Variants in SLC9A7 observed in about 807,000 individuals in gnomAD.
The protein encoded by SLC9A7 is solute carrier family 9 member A7.
Under a neutral mutation model 52.6 loss-of-function variants are expected in SLC9A7, and 19 were observed. The ratio of observed to expected loss-of-function variants is 0.36; its 90% CI spans 0.25 to 0.53. SLC9A7 has a LOEUF of 0.53. Among genes scored for constraint, SLC9A7 ranks in the 20% least tolerant of loss-of-function variants. The pLI, the probability that SLC9A7 is intolerant of heterozygous loss-of-function variation, is 0.91. For synonymous variants in SLC9A7, 226 were observed against 252.1 expected (o/e 0.90, Z 0.98); for missense variants, 455 against 597.9 (o/e 0.76, Z 2.49).
At chrX:46,714,268 A>G (rs1944735671) in intron 1 of SLC9A7, among the ~76,000 whole-genome samples, 1 of 111,749 alleles carries the variant, frequency 8.9e-6, no homozygotes, top group Admixed American at 9.5e-5. Flanking sequence ...TAGCTGGTAA[A>G]CTGTAGAAGT....
intron 1 of SLC9A7, among the ~76,000 whole-genome samples, chrX:46,718,372 A>G (rs1345445724): frequency 1.8e-5 from 2 of 112,224 alleles, no homozygotes; most frequent in East Asian, 5.6e-4. Flanking sequence ...AATACCATTC[A>G]GGACACAGGC....
intron 1 of SLC9A7, among the ~76,000 whole-genome samples, chrX:46,684,150 T>A (rs1944256012): frequency 8.9e-6 from 1 of 112,274 alleles, no homozygotes. Context: ...TCTGACCAGA[T>A]ACGAAACAAT....
At chrX:46,677,924 A>G (rs1944144943) in intron 3 of SLC9A7, among the ~76,000 whole-genome samples, 1 of 111,779 alleles carries the variant, frequency 8.9e-6, no homozygotes, top group South Asian at 3.7e-4. Context: ...AGTTTTGATA[A>G]TTTATGTCTT....
At chrX:46,676,397 G>C (rs950524797) in intron 3 of SLC9A7, among the ~76,000 whole-genome samples, 1 of 111,988 alleles carries the variant, frequency 8.9e-6, no homozygotes, top group African/African-American at 3.2e-5. Context: ...TTACTGTAGT[G>C]TGAGAGCAGA....
chrX:46,607,825 G>C (rs1015781849), intron 16 of SLC9A7, among the ~76,000 whole-genome samples: 1 of 111,394 alleles, frequency 9.0e-6, no homozygotes, highest in African/African-American at 3.3e-5. Flanking sequence ...AGATGGTAGC[G>C]AGAGTGTCGG....
At chrX:46,740,152 C>T (rs981332281) in intron 1 of SLC9A7, among the ~76,000 whole-genome samples, 1 of 111,290 alleles carries the variant, frequency 9.0e-6, no homozygotes, top group African/African-American at 3.3e-5. Flanking sequence ...AAAATAAATA[C>T]CAAAGGACAG....
intron 7 of SLC9A7, among the ~76,000 whole-genome samples, chrX:46,654,912 A>C (rs1229471847): frequency 2.7e-5 from 3 of 110,003 alleles, no homozygotes; most frequent in African/African-American, 9.9e-5. Flanking sequence ...CAATGTGGCT[A>C]GTCCAAATTG....
At position 46,700,736 on chromosome X, in the gene SLC9A7, T is replaced by C. The variant is rs772729858; in HGVS notation, c.326-18201A>G. 9.5e-4 allele frequency among the ~76,000 whole-genome samples: 107 copies of C among 112,085 alleles called. 1 individual carries two copies. Among genetic ancestry groups the C allele is most frequent in the African/African-American group, 3.4e-3 (104 of 30,827 alleles). The stretch of plus-strand genomic sequence containing the variant: ...TGTTATGGCAGCCCAAGTTGACTAA[T>C]ACACCATCTTTTTGGGAAACTGCAC... On this transcript the variant is annotated intron_variant, in intron 1 of 16. Transcript: ENST00000616978.
At chrX:46,661,406 A>T (rs1244908847) in intron 7 of SLC9A7, among the ~76,000 whole-genome samples, 1 of 112,057 alleles carries the variant, frequency 8.9e-6, no homozygotes, top group Non-Finnish European at 1.9e-5. Flanking sequence ...AATTATTTTT[A>T]TCATAATTTT....
intron 11 of SLC9A7, chrX:46,647,255 C>T (rs1310784625): frequency 5.5e-6 from 1 of 181,177 alleles, no homozygotes; most frequent in Non-Finnish European, 1.1e-5. Context: ...AGGGCGGTGT[C>T]CTTCCAGCCA....
At chrX:46,640,059 C>A (rs963957979) in intron 12 of SLC9A7, among the ~76,000 whole-genome samples, 3 of 111,966 alleles carry the variant, frequency 2.7e-5, no homozygotes, top group African/African-American at 6.5e-5. Flanking sequence ...CTATGAAAGA[C>A]CCAGCAAGAT....
intron 1 of SLC9A7, among the ~76,000 whole-genome samples, chrX:46,746,040 AC>A (rs1270980513): frequency 9.1e-6 from 1 of 110,487 alleles, no homozygotes; most frequent in Non-Finnish European, 1.9e-5. Context: ...GAAAAAAAAA[AC>A]AGGTCGGGCG....
chrX:46,647,147 G>A, intron 11 of SLC9A7: 1 of 333,504 alleles, frequency 3.0e-6, no homozygotes. Context: ...GGTCCAGATC[G>A]CTCTCTTCTG....
chrX:46,749,768 A>T, intron 1 of SLC9A7, among the ~76,000 whole-genome samples: 1 of 111,377 alleles, frequency 9.0e-6, no homozygotes, highest in Middle Eastern at 4.6e-3. Context: ...TTGAGAGCAA[A>T]AGTCCTAGCT....
chrX:46,614,021 A>G (rs1012922831), intron 15 of SLC9A7, among the ~76,000 whole-genome samples: 1 of 111,914 alleles, frequency 8.9e-6, no homozygotes, highest in Non-Finnish European at 1.9e-5. Context: ...CTTCTCTCCT[A>G]GACGCTAACA....
rs1469975002 is a variant in SLC9A7, at chrX:46,639,337, A to G, written c.1617-3689T>C. ...CGCTCTGTCGCCCAGGCTGGAGTGC[A>G]GTGGCGTGATCTCAGCTCACTGCAA... On this transcript the variant is annotated intron_variant, in intron 12 of 16. Coordinates refer to ENST00000616978, the MANE Select transcript of SLC9A7 (RefSeq NM_001257291.2). 4.9e-4 allele frequency among the ~76,000 whole-genome samples: 50 copies of G among 102,882 alleles called. 1 individual carries two copies. The highest frequency in any genetic ancestry group is 1.8e-3 in the African/African-American group (50 of 27,562). The allele number at this position is 102,882 out of a possible 115,157, so 89.3% of individuals were successfully genotyped here.
In SLC9A7 at chrX:46,613,317, C is replaced by T. The variant is rs774104509; in HGVS notation, c.1901G>A (p.Arg634Gln). Reference protein sequence around the residue: ...TLPAWCGLLARCLTSPQVYDN... With the variant: ...TLPAWCGLLAQCLTSPQVYDN... ...GTACACCTGGGGACTGGTCAGACAT[C>T]GAGCTAGTAAGCCACACCAGGCGGG... Residue 634 changes from arginine (R) to glutamine (Q), a missense_variant, in exon 16 of 17, where the codon CGA (arginine) becomes CAA (glutamine). Physicochemically the swap from Arg to Gln is conservative, Grantham distance 43. This residue lies in a region of SLC9A7 where 146 missense variants were observed against 160.5 expected (regional missense o/e 0.91). Transcript: ENST00000616978. 2.0e-5 allele frequency: 24 copies of T among 1,205,957 alleles called. No individual in the cohort carries two copies. The highest frequency in any genetic ancestry group is 3.0e-5 in the East Asian group (1 of 33,699).
intron 1 of SLC9A7, among the ~76,000 whole-genome samples, chrX:46,738,833 C>G (rs1371681883): frequency 9.1e-6 from 1 of 110,258 alleles, no homozygotes; most frequent in Non-Finnish European, 1.9e-5. Flanking sequence ...GATTAGTACC[C>G]ACCCCGGGCA....
intron 11 of SLC9A7, among the ~76,000 whole-genome samples, chrX:46,647,966 T>C (rs1943519326): frequency 8.9e-6 from 1 of 112,370 alleles, no homozygotes; most frequent in Non-Finnish European, 1.9e-5. Flanking sequence ...TGGGTCCATT[T>C]CTATAAAGCT....
Sources: allele counts gnomAD v4.1 joint callset (sites outside exome capture counted in the v4.1 genomes callset), GRCh38; gene constraint gnomAD v4.1.1; regional missense constraint gnomAD v4.1.1; transcripts MANE v1.5; gene names NCBI Gene and HGNC (gene_info 2026-07-23, HGNC 2026-07-21).